Variants in SLC41A3 observed in about 807,000 individuals in gnomAD.
SLC41A3 encodes the protein SLC41A1-like 2.
Under a neutral mutation model 45.4 loss-of-function variants are expected in SLC41A3, and 44 were observed. The observed-to-expected ratio is 0.97, with a 90% CI of 0.76 to 1.25. The LOEUF is 1.25. SLC41A3 is among the 50% of genes most tolerant of loss of function. The pLI, the probability that SLC41A3 is intolerant of heterozygous loss-of-function variation, is 0.00. For synonymous variants in SLC41A3, 256 were observed against 252.4 expected (o/e 1.01, Z -0.13); for missense variants, 550 against 600.6 (o/e 0.92, Z 0.88).
chr3:126,010,038 C>G (rs1161595036), intron 9 of SLC41A3, among the ~76,000 whole-genome samples: 1 of 152,250 alleles, frequency 6.6e-6, no homozygotes, highest in Non-Finnish European at 1.5e-5. Context: ...TTCTGAAAGG[C>G]TGGCTGGGGA....
chr3:126,026,419 AC>A lies in SLC41A3; in HGVS notation c.513del (p.Ser172LeufsTer31), dbSNP rs777742785. The A allele has an allele frequency of 6.3e-7, 1 of 1,597,220 alleles. No homozygotes were observed. The highest frequency in any genetic ancestry group is 8.5e-7 in the Non-Finnish European group (1 of 1,171,704). ...AAVAALLLGVVSREEVDVAKV... is the reference protein window; with the variant it reads ...AAVAALLLGVXSREEVDVAKV... Reference sequence around the variant, plus strand: ...TTGGCGACATCCACTTCCTCTCGAGACACCACGCCCAACAGCAGCGCAGCCA... The same window carrying A: ...TTGGCGACATCCACTTCCTCTCGAGAACCACGCCCAACAGCAGCGCAGCCA... On this transcript the variant is annotated frameshift_variant, in exon 5 of 11. Transcript: ENST00000360370. LOFTEE classifies it high-confidence loss of function. The surrounding 1 kb of genome is among the most constrained non-coding windows in gnomAD (Gnocchi z 4.2).
chr3:126,099,150 G>T (rs1945661999), intron 1 of SLC41A3, among the ~76,000 whole-genome samples: 1 of 151,968 alleles, frequency 6.6e-6, no homozygotes, highest in African/African-American at 2.4e-5. Flanking sequence ...AGTGCAGAAG[G>T]CAACCCAGGA....
At chr3:126,021,184 G>T (rs577188065) in intron 6 of SLC41A3, among the ~76,000 whole-genome samples, 3 of 152,116 alleles carry the variant, frequency 2.0e-5, no homozygotes, top group Admixed American at 1.3e-4. Context: ...GTGAGCCACC[G>T]CGCCTGGCCT....
At chr3:126,061,036 G>A (rs949123833) in intron 2 of SLC41A3, among the ~76,000 whole-genome samples, 3 of 152,208 alleles carry the variant, frequency 2.0e-5, no homozygotes, top group Non-Finnish European at 2.9e-5. Context: ...TTAGGGGAGG[G>A]TCCACAGAGT....
intron 2 of SLC41A3, chr3:126,056,699 G>C (rs1449388628): frequency 1.2e-5 from 17 of 1,444,406 alleles, no homozygotes; most frequent in Non-Finnish European, 1.4e-5. Flanking sequence ...TGTGCCTGCA[G>C]AGAGTTCCCC....
At chr3:126,069,736 T>A (rs1395407583) in intron 1 of SLC41A3, among the ~76,000 whole-genome samples, 2 of 152,078 alleles carry the variant, frequency 1.3e-5, no homozygotes, top group African/African-American at 4.8e-5. Context: ...AGTTTCAGAA[T>A]GATGTCTACT....
upstream of SLC41A3, among the ~76,000 whole-genome samples, chr3:126,084,646 A>AT (rs1313395522): frequency 6.6e-6 from 1 of 152,104 alleles, no homozygotes; most frequent in Non-Finnish European, 1.5e-5. Flanking sequence ...AGTAAGGCCT[A>AT]TTTTTTTAAA....
rs767867296 is a variant in SLC41A3 at position 126,008,746 on chromosome 3, C to A, written c.1240G>T (p.Ala414Ser). Residue 414 changes from alanine (A) to serine (S), a missense_variant, in exon 10 of 11, where the codon GCA becomes TCA. Ala to Ser is a moderately conservative substitution (Grantham distance 99). Coordinates refer to ENST00000360370, the MANE Select transcript of SLC41A3 (RefSeq NM_017836.4). ...GCCAGGCTTACCTGGATCAGGCCTG[C>A]CAGCAGGTAGAGCACCACAAAGGTC... Reference protein sequence around the residue: ...SQTFVVLYLLAGLIQVTILLY... With the variant: ...SQTFVVLYLLSGLIQVTILLY... 1.2e-6 allele frequency: 2 copies of A among 1,613,788 alleles called. No individual in the cohort carries two copies. Among genetic ancestry groups the A allele is most frequent in the African/African-American group, 2.7e-5 (2 of 74,894 alleles).
At chr3:126,053,930 C>T (rs992487708) in intron 2 of SLC41A3, among the ~76,000 whole-genome samples, 3 of 152,144 alleles carry the variant, frequency 2.0e-5, no homozygotes, top group East Asian at 1.9e-4. Flanking sequence ...ATTCTGCCAC[C>T]GCCCTCTCCA....
At position 126,048,546 on chromosome 3, in the gene SLC41A3, A is replaced by G. The variant is rs149626280; in HGVS notation, c.381+2397T>C. 2.1e-3 allele frequency among the ~76,000 whole-genome samples: 321 copies of G among 152,358 alleles called. 2 individuals carry two copies. In the East Asian group the frequency reaches 0.031, roughly 15 times the overall value. On this transcript the variant is annotated intron_variant, in intron 3 of 10. Coordinates refer to ENST00000360370, the MANE Select transcript of SLC41A3 (RefSeq NM_017836.4). ...AGAAGGCAAGCATATCACTAATAAAATAAGTTTTTCTCTCCCTTTCCAATA... is the reference window on the plus strand; with the variant it reads ...AGAAGGCAAGCATATCACTAATAAAGTAAGTTTTTCTCTCCCTTTCCAATA...
intron 5 of SLC41A3, among the ~76,000 whole-genome samples, chr3:126,025,982 C>T (rs553492568): frequency 6.6e-6 from 1 of 152,344 alleles, no homozygotes; most frequent in East Asian, 1.9e-4. Context: ...GTGTTTAAAA[C>T]CAACAGGCTG....
Position 126,083,510 on chromosome 3 carries a change from C to T in SLC41A3, c.-28+583G>A, listed in dbSNP as rs938291596. On this transcript the variant is annotated intron_variant, in intron 1 of 10. Coordinates refer to ENST00000360370, the MANE Select transcript of SLC41A3 (RefSeq NM_017836.4). Reference sequence around the variant, plus strand: ...AGACAGACTCCCGGCTGGGCACCCCCAGGAGGTTTTCTTCACCAGAGGTTT... The same window carrying T: ...AGACAGACTCCCGGCTGGGCACCCCTAGGAGGTTTTCTTCACCAGAGGTTT... 7.2e-5 allele frequency among the ~76,000 whole-genome samples: 11 copies of T among 152,314 alleles called. No individual in the cohort carries two copies. The South Asian group carries it at 2.3e-3, about 32-fold the overall frequency.
intron 2 of SLC41A3, among the ~76,000 whole-genome samples, chr3:126,053,953 A>G (rs1943501847): frequency 6.6e-6 from 1 of 152,174 alleles, no homozygotes; most frequent in African/African-American, 2.4e-5. Context: ...AACACTGTAA[A>G]GATGCCTATA....
chr3:126,028,216 T>C (rs569603921), intron 4 of SLC41A3, among the ~76,000 whole-genome samples: 2 of 152,036 alleles, frequency 1.3e-5, no homozygotes, highest in African/African-American at 2.4e-5. Flanking sequence ...AGAGACCTTA[T>C]TGGCAGCCCC....
At chr3:126,071,464 C>G (rs2108038416) in intron 1 of SLC41A3, among the ~76,000 whole-genome samples, 1 of 152,248 alleles carries the variant, frequency 6.6e-6, no homozygotes. Flanking sequence ...TTGGACATAC[C>G]TCACTTCCAA....
chr3:126,075,145 T>G (rs1236383827), intron 1 of SLC41A3, among the ~76,000 whole-genome samples: 1 of 152,182 alleles, frequency 6.6e-6, no homozygotes, highest in Non-Finnish European at 1.5e-5. Flanking sequence ...GAGGTCTTGC[T>G]ATGTTGCCCA....
Position 126,007,076 on chromosome 3 carries a change from C to A in SLC41A3, c.1404G>T (p.Trp468Cys). ...CCAGCTCTGCCTTGCTCTTCAGTAG[C>A]CAGTCAGTGAAAAAGCAGAGTGCCA... ...GLLALCFFTD[W>C]LLKSKAELGG... The change falls in exon 11 of 11, where the codon TGG becomes TGT. Residue 468 changes from tryptophan to cysteine, a missense_variant. Trp to Cys is a radical substitution (Grantham distance 215). Transcript: ENST00000360370. 6.2e-7 allele frequency: 1 copy of A among 1,614,168 alleles called. No homozygotes were observed. Among genetic ancestry groups the A allele is most frequent in the Non-Finnish European group, 8.5e-7 (1 of 1,180,016 alleles).
intron 5 of SLC41A3, chr3:126,024,206 G>A (rs1941152636): frequency 6.6e-6 from 1 of 152,242 alleles, no homozygotes; most frequent in Non-Finnish European, 1.5e-5. Flanking sequence ...GATTTTGCTT[G>A]TGTTGCTAAG....
intron 4 of SLC41A3, among the ~76,000 whole-genome samples, chr3:126,033,234 C>T (rs935042996): frequency 2.7e-5 from 4 of 146,242 alleles, no homozygotes; most frequent in Non-Finnish European, 4.5e-5. Flanking sequence ...ATGTAAGAGG[C>T]AATTACAGGT....
Sources: gnomAD v4.1 joint callset for allele counts (sites outside exome capture counted in the v4.1 genomes callset) on GRCh38, gnomAD v4.1.1 for gene constraint, Gnocchi (gnomAD v3.1) non-coding constraint, MANE v1.5 for transcripts, NCBI Gene and HGNC (gene_info 2026-07-23, HGNC 2026-07-21) for gene names.